Variants in ITGAM observed in about 807,000 individuals in gnomAD.
ITGAM encodes the protein integrin subunit alpha M.
In ITGAM, 79 loss-of-function variants were observed where a neutral mutation model predicts 137.5. That is an observed-to-expected ratio of 0.57 (90% CI 0.48 to 0.69). The LOEUF is 0.69. ITGAM is among the 30% of genes least tolerant of loss of function. ITGAM has a pLI of 0.00. For synonymous variants in ITGAM, 583 were observed against 592.3 expected, an observed-to-expected ratio of 0.98 and a Z score of 0.23; for missense variants, 1,343 against 1,483.5, an observed-to-expected ratio of 0.91 and a Z score of 1.56.
chr16:31,270,155 T>TCC (rs2079815530), intron 5 of ITGAM, among the ~76,000 whole-genome samples: 133 of 73,894 alleles, frequency 1.8e-3, no homozygotes, highest in African/African-American at 7.2e-3. Flanking sequence ...TTCCTTTCCT[T>TCC]TCCTTTCCTT....
chr16:31,273,702 A>G, intron 8 of ITGAM, 184 bp downstream of exon 8: 4 of 553,986 alleles, frequency 7.2e-6, no homozygotes, highest in Non-Finnish European at 1.2e-5. Flanking sequence ...AAAATTCAGC[A>G]GCTTAAAATA....
chr16:31,272,122 G>T (rs532361061), intron 7 of ITGAM, 130 bp downstream of exon 7: 1 of 1,036,516 alleles, frequency 9.6e-7, no homozygotes, highest in South Asian at 1.4e-5. Flanking sequence ...TGGGGAGGCT[G>T]TGCGTGGTGT....
chr16:31,330,412 G>A lies in ITGAM; in HGVS notation c.3165G>A (p.Trp1055Ter). 6.2e-7 allele frequency: 1 copy of A among 1,613,218 alleles called. No homozygotes were observed. The highest frequency in any genetic ancestry group is 8.5e-7 in the Non-Finnish European group (1 of 1,179,112). ...TCAAAGGCAACCTCTCGTTTGACTG[G>A]TACATCAAGGTGTGTGGGGTCCTGA... Reference protein sequence around the residue: ...ATLKGNLSFDWYIKTSHNHLL... With the variant: ...ATLKGNLSFD Residue 1055 changes from tryptophan (W) to a stop codon, truncating the protein, a stop_gained, in exon 27 of 30, where the codon TGG becomes TGA. Coordinates refer to ENST00000544665, the MANE Select transcript of ITGAM (RefSeq NM_000632.4). LOFTEE classifies it high-confidence loss of function.
Position 31,271,968 on chromosome 16 carries a change from C to A in ITGAM, c.680C>A (p.Thr227Lys). The A allele has an allele frequency of 6.2e-7, 1 of 1,614,004 alleles. No homozygotes were observed. Among genetic ancestry groups the A allele is most frequent in the Non-Finnish European group, 8.5e-7 (1 of 1,179,894 alleles). ...PITQLLGRTH[T>K]ATGIRKVVRE... is the part of the protein sequence containing the mutation. ...ACGCAGCTGCTTGGGCGGACACACA[C>A]GGCCACGGGCATCCGCAAAGTGGTG... Residue 227 changes from threonine (T) to lysine (K), a missense_variant, in exon 7 of 30, where the codon ACG becomes AAG. Transcript: ENST00000544665.
chr16:31,262,338 TCC>T, intron 2 of ITGAM, among the ~76,000 whole-genome samples: 1 of 15,212 alleles, frequency 6.6e-5, no homozygotes, highest in Non-Finnish European at 2.0e-4. Context: ...CTCCCTTCCA[TCC>T]TTCCTTCCTT....
Position 31,297,855 on chromosome 16 carries a change from G to A in ITGAM, c.1608G>A (p.Thr536=), listed in dbSNP as rs373922467. 6.8e-5 allele frequency: 110 copies of A among 1,613,920 alleles called. No homozygotes were observed. Among genetic ancestry groups the A allele is most frequent in the Admixed American group, 1.5e-4 (9 of 59,966 alleles). The change falls in exon 14 of 30, where the codon ACG becomes ACA. Residue 536 remains threonine, a synonymous_variant. Transcript: ENST00000544665. ...VLGDVNGDKL[T]DVAIGAPGEE... is the part of the protein sequence containing the mutation. Reference sequence around the variant, plus strand: ...GGGACGTAAATGGGGACAAGCTGACGGACGTGGCCATTGGGGCCCCAGGAG... The same window carrying A: ...GGGACGTAAATGGGGACAAGCTGACAGACGTGGCCATTGGGGCCCCAGGAG...
intron 14 of ITGAM, among the ~76,000 whole-genome samples, chr16:31,314,821 G>GTTT (rs369241453): frequency 3.1e-5 from 4 of 130,868 alleles, no homozygotes; most frequent in African/African-American, 5.9e-5. Flanking sequence ...AGGAGGCAGG[G>GTTT]TTTTTTTTTT....
chr16:31,324,750 G>C lies in ITGAM; in HGVS notation c.2257G>C (p.Ala753Pro), dbSNP rs761201434. 3.2e-6 allele frequency: 5 copies of C among 1,581,554 alleles called. No individual in the cohort carries two copies. The African/African-American group carries it at 6.8e-5, about 21-fold the overall frequency. The change falls in exon 18 of 30, where the codon GCG becomes CCG. Residue 753 changes from alanine (A) to proline (P), a missense_variant. Transcript: ENST00000544665. This position sits in a 1 kb window ranked among gnomAD's most constrained non-coding sequence, Gnocchi z 4.5. The stretch of plus-strand genomic sequence containing the variant: ...TTTCGGGAACCTCCGGCCAGTGCTG[G>C]CGGAGGATGCTCAGAGACTCTTCAC... ...SAFGNLRPVL[A>P]EDAQRLFTAL...
At chr16:31,328,446 G>A (rs1172547155) in intron 23 of ITGAM, among the ~76,000 whole-genome samples, 1 of 151,970 alleles carries the variant, frequency 6.6e-6, no homozygotes, top group Non-Finnish European at 1.5e-5. Flanking sequence ...GTGCATGTGT[G>A]TGTCTGAGGA....
At chr16:31,314,994 G>A (rs1015366410) in intron 14 of ITGAM, among the ~76,000 whole-genome samples, 1 of 151,818 alleles carries the variant, frequency 6.6e-6, no homozygotes, top group Non-Finnish European at 1.5e-5. Context: ...TGTATTTTTA[G>A]TAGAGATGGC....
chr16:31,270,699 GTATA>G (rs869206231), intron 5 of ITGAM, among the ~76,000 whole-genome samples: 1,123 of 25,898 alleles, frequency 0.043, 22 homozygotes, highest in Non-Finnish European at 0.063. Context: ...GTGTGTGTGT[GTATA>G]TATATATATA....
intron 14 of ITGAM, among the ~76,000 whole-genome samples, chr16:31,301,388 A>G (rs550764635): frequency 3.3e-5 from 5 of 152,090 alleles, no homozygotes; most frequent in Non-Finnish European, 5.9e-5. Flanking sequence ...GGATGGGTTT[A>G]TTTCTGGGCT....
rs71389501 is a variant in ITGAM at position 31,302,466 on chromosome 16, T to C, written c.1707+4512T>C. Among the ~76,000 whole-genome samples the C allele has an allele frequency of 6.9e-4, 77 of 111,476 alleles. 1 individual carries two copies. Among genetic ancestry groups the C allele is most frequent in the African/African-American group, 1.7e-3 (26 of 15,076 alleles). The allele number at this position is 111,476 out of a possible 152,430, so 73.1% of individuals were successfully genotyped here. A position where few individuals can be genotyped will look rare whatever the true frequency, so the allele number is the denominator to read the frequency against. On this transcript the variant is annotated intron_variant, in intron 14 of 29. Coordinates refer to ENST00000544665, the MANE Select transcript of ITGAM (RefSeq NM_000632.4). ...TTCTTTCTTTCTTCCTTCCTTTCTT[T>C]CTTTCTTTCTTTCTTTCTTTTTTCT...
At chr16:31,312,961 T>C (rs2080351210) in intron 14 of ITGAM, among the ~76,000 whole-genome samples, 1 of 151,770 alleles carries the variant, frequency 6.6e-6, no homozygotes. Flanking sequence ...GGCTCATGCC[T>C]GTAATCCCAG....
intron 5 of ITGAM, among the ~76,000 whole-genome samples, chr16:31,266,999 C>T (rs969285560): frequency 1.3e-5 from 2 of 151,984 alleles, no homozygotes; most frequent in African/African-American, 4.8e-5. Context: ...TCCCAAGTAG[C>T]TGGGATTACA....
At chr16:31,260,249 C>A (rs1424199086) in intron 1 of ITGAM, among the ~76,000 whole-genome samples, 157 bp downstream of exon 1, 1 of 152,132 alleles carries the variant, frequency 6.6e-6, no homozygotes, top group East Asian at 1.9e-4. Context: ...GGGAGAACAG[C>A]TAGACCCAGA....
At position 31,297,810 on chromosome 16, in the gene ITGAM, G is replaced by A. The variant is rs1219823438; in HGVS notation, c.1563G>A (p.Gly521=). 2.5e-6 allele frequency: 4 copies of A among 1,611,210 alleles called. No individual in the cohort carries two copies. The East Asian group carries it at 6.7e-5, about 27-fold the overall frequency. Residue 521 remains glycine, a synonymous_variant, in exon 14 of 30, where the codon GGG becomes GGA. Transcript: ENST00000544665. ...AGGGCCAACCCTGGGGCCGCTTTGG[G>A]GCAGCCCTAACAGTGCTGGGGGACG... ...GEQGQPWGRF[G]AALTVLGDVN...
chr16:31,324,833 A>C lies in ITGAM; in HGVS notation c.2289+51A>C. 2 of 1,555,696 alleles carry C rather than the reference A, an allele frequency of 1.3e-6. No homozygotes were observed. The highest frequency in any genetic ancestry group is 2.5e-5 in the South Asian group (2 of 79,506). ...GGGGTGTGGAAGAGACCAGAGACCA[A>C]GGTGGTTGAAACTCATTTTATTTGA... On this transcript the variant is annotated intron_variant, in intron 18 of 29. Transcript: ENST00000544665. This position sits in a 1 kb window ranked among gnomAD's most constrained non-coding sequence, Gnocchi z 4.5.
chr16:31,306,311 G>A (rs937213858), intron 14 of ITGAM, among the ~76,000 whole-genome samples: 3 of 152,004 alleles, frequency 2.0e-5, no homozygotes, highest in African/African-American at 2.4e-5. Context: ...GTAAAATAAC[G>A]ATGATAATTT....
Sources: allele counts gnomAD v4.1 joint callset (sites outside exome capture counted in the v4.1 genomes callset), GRCh38; gene constraint gnomAD v4.1.1; non-coding constraint Gnocchi (gnomAD v3.1); transcripts MANE v1.5; gene names NCBI Gene and HGNC (gene_info 2026-07-23, HGNC 2026-07-21).